The following PLEKHG7 variants were observed in gnomAD, a reference collection of about 807,000 sequenced individuals.
The protein encoded by PLEKHG7 is pleckstrin homology and RhoGEF domain containing G7.
In PLEKHG7, 77 loss-of-function variants were observed where a neutral mutation model predicts 85.2. The observed-to-expected ratio is 0.90, with a 90% CI of 0.75 to 1.09. PLEKHG7 has a LOEUF of 1.09. PLEKHG7 is among the 50% of genes least tolerant of loss of function. The probability of loss-of-function intolerance (pLI) is 0.00; values close to 1 mark genes in which losing one functional copy is unlikely to be tolerated. For missense variants in PLEKHG7, 777 were observed against 804.3 expected, an observed-to-expected ratio of 0.97 and a Z score of 0.41; for synonymous variants, 301 against 302.4, an observed-to-expected ratio of 1.00 and a Z score of 0.05.
Position 92,707,680 on chromosome 12 carries a change from T to C in PLEKHG7, c.530+8T>C. On this transcript the variant is annotated splice_region_variant and intron_variant, in intron 3 of 16. Coordinates refer to ENST00000344636, the MANE Select transcript of PLEKHG7 (RefSeq NM_001377329.1). ...AGAATTGCACCCATCCAGGTGTGTA[T>C]GCATTTATTTTCTCCGGTGCTATGA... 1 of 1,614,014 alleles carries C rather than the reference T, an allele frequency of 6.2e-7. No individual in the cohort carries two copies. The highest frequency in any genetic ancestry group is 2.2e-5 in the East Asian group (1 of 44,890).
chr12:92,748,214 G>A (rs1397175713), intron 10 of PLEKHG7, among the ~76,000 whole-genome samples: 3 of 151,196 alleles, frequency 2.0e-5, no homozygotes, highest in Non-Finnish European at 4.4e-5. Flanking sequence ...TTTTGGGAAA[G>A]GTAGTAGAGG....
intron 13 of PLEKHG7, among the ~76,000 whole-genome samples, chr12:92,757,813 G>T (rs1276502028): frequency 2.6e-5 from 4 of 152,210 alleles, no homozygotes; most frequent in Non-Finnish European, 4.4e-5. Flanking sequence ...CCAGGAAACT[G>T]CAGGCAACCA....
chr12:92,724,229 C>T (rs962222666), intron 3 of PLEKHG7, among the ~76,000 whole-genome samples: 1 of 152,154 alleles, frequency 6.6e-6, no homozygotes, highest in African/African-American at 2.4e-5. Flanking sequence ...ATGTGTCAAT[C>T]CCAGTGTCCT....
chr12:92,708,551 A>G (rs1871305933), intron 3 of PLEKHG7: 1 of 152,162 alleles, frequency 6.6e-6, no homozygotes, highest in Non-Finnish European at 1.5e-5. Flanking sequence ...AAAGTAACAG[A>G]CAGTTATTGT....
chr12:92,760,906 CACAG>C (rs1217406470), intron 13 of PLEKHG7, among the ~76,000 whole-genome samples: 7 of 152,152 alleles, frequency 4.6e-5, no homozygotes, highest in Admixed American at 1.3e-4. Flanking sequence ...AACAAAATAT[CACAG>C]ACAGGCTGAC....
intron 15 of PLEKHG7, among the ~76,000 whole-genome samples, chr12:92,765,011 G>A (rs1325822139): frequency 6.6e-6 from 1 of 152,048 alleles, no homozygotes; most frequent in Admixed American, 6.6e-5. Context: ...CCATTGGAGG[G>A]GCCGGAAAAG....
chr12:92,706,662 G>T lies in PLEKHG7; in HGVS notation c.31G>T (p.Val11Leu), dbSNP rs750959928. The T allele has an allele frequency of 6.2e-7, 1 of 1,613,850 alleles. No homozygotes were observed. Among genetic ancestry groups the T allele is most frequent in the Non-Finnish European group, 8.5e-7 (1 of 1,179,902 alleles). The change falls in exon 2 of 17, where the codon GTG (valine) becomes TTG (leucine). Residue 11 changes from valine (V) to leucine (L), a missense_variant. Transcript: ENST00000344636. MEKTESFCPE[V>L]PPQDCGASPR... Reference sequence around the variant, plus strand: ...GAAAACAGAGTCATTCTGTCCAGAGGTGCCACCCCAAGACTGTGGAGCCTC... The same window carrying T: ...GAAAACAGAGTCATTCTGTCCAGAGTTGCCACCCCAAGACTGTGGAGCCTC...
At position 92,764,158 on chromosome 12, in the gene PLEKHG7, T is replaced by C. The variant is rs1240706112; in HGVS notation, c.1834T>C (p.Leu612=). Residue 612 remains leucine (L), a synonymous_variant, in exon 15 of 17, where the codon TTG becomes CTG. Transcript: ENST00000344636. ...VLDQPIPLDR[L]VVKSIEPLHV... is the part of the protein sequence containing the mutation. Reference sequence around the variant, plus strand: ...CGATCAGCCTATTCCACTAGATAGATTGGTAGTCAAAAGTATTGAACCACT... The same window carrying C: ...CGATCAGCCTATTCCACTAGATAGACTGGTAGTCAAAAGTATTGAACCACT... 1.2e-6 allele frequency: 2 copies of C among 1,607,832 alleles called. No homozygotes were observed. The highest frequency in any genetic ancestry group is 2.7e-5 in the African/African-American group (2 of 74,670).
At chr12:92,704,827 C>T (rs150738985) in intron 1 of PLEKHG7, among the ~76,000 whole-genome samples, 1 of 152,322 alleles carries the variant, frequency 6.6e-6, no homozygotes, top group East Asian at 1.9e-4. Flanking sequence ...ATCCTCCCGC[C>T]TTTGCCTCCC....
At chr12:92,763,863 A>G (rs1873107389) in intron 14 of PLEKHG7, among the ~76,000 whole-genome samples, 178 bp from the exon 15 acceptor site, 1 of 152,144 alleles carries the variant, frequency 6.6e-6, no homozygotes, top group South Asian at 2.1e-4. Flanking sequence ...ACACTTTGCT[A>G]TAAATCACTA....
chr12:92,743,614 C>A (rs887644540), intron 9 of PLEKHG7, among the ~76,000 whole-genome samples: 1 of 152,096 alleles, frequency 6.6e-6, no homozygotes, highest in Non-Finnish European at 1.5e-5. Flanking sequence ...GTCTGGAGTG[C>A]GGTGGCACGA....
chr12:92,705,456 G>A (rs1565784473), intron 1 of PLEKHG7, among the ~76,000 whole-genome samples: 1 of 152,194 alleles, frequency 6.6e-6, no homozygotes, highest in Non-Finnish European at 1.5e-5. Flanking sequence ...CTTAAATTTT[G>A]GCTATCCAAA....
At chr12:92,740,996 T>C (rs899636346) in intron 8 of PLEKHG7, 48 bp downstream of exon 8, 2 of 1,312,526 alleles carry the variant, frequency 1.5e-6, no homozygotes, top group South Asian at 1.2e-5. Flanking sequence ...TAGAGGACCA[T>C]GAAAATTCAT....
At chr12:92,727,760 G>A (rs1488098709) in intron 3 of PLEKHG7, among the ~76,000 whole-genome samples, 2 of 151,674 alleles carry the variant, frequency 1.3e-5, no homozygotes, top group East Asian at 3.9e-4. Context: ...AGCTAATTTT[G>A]TATTTTTTTT....
intron 15 of PLEKHG7, among the ~76,000 whole-genome samples, 199 bp downstream of exon 15, chr12:92,764,393 C>T (rs1257106971): frequency 1.3e-5 from 2 of 151,918 alleles, no homozygotes; most frequent in Non-Finnish European, 2.9e-5. Flanking sequence ...ACTTGCTAGC[C>T]GTATGACCTT....
intron 4 of PLEKHG7, among the ~76,000 whole-genome samples, chr12:92,729,731 T>C (rs969803330): frequency 6.6e-6 from 1 of 152,176 alleles, no homozygotes; most frequent in African/African-American, 2.4e-5. Context: ...GGATTATCCA[T>C]GCTGGTGGTT....
intron 3 of PLEKHG7, among the ~76,000 whole-genome samples, chr12:92,721,882 G>A (rs929236405): frequency 6.6e-6 from 1 of 151,918 alleles, no homozygotes; most frequent in African/African-American, 2.4e-5. Flanking sequence ...TAGTCCTCCT[G>A]TGAGGAAATC....
intron 10 of PLEKHG7, among the ~76,000 whole-genome samples, chr12:92,750,975 T>C (rs954565737): frequency 2.0e-5 from 3 of 152,000 alleles, no homozygotes; most frequent in Admixed American, 1.3e-4. Context: ...AATAAAACAG[T>C]TGGAAAAATT....
At chr12:92,714,253 T>C (rs1157448077) in intron 3 of PLEKHG7, among the ~76,000 whole-genome samples, 1 of 152,260 alleles carries the variant, frequency 6.6e-6, no homozygotes, top group Admixed American at 6.5e-5. Context: ...CAGACAAAGG[T>C]GGAAAGGCTG....
Sources: gnomAD v4.1 joint callset for allele counts (sites outside exome capture counted in the v4.1 genomes callset) on GRCh38, gnomAD v4.1.1 for gene constraint, MANE v1.5 for transcripts, NCBI Gene and HGNC (gene_info 2026-07-23, HGNC 2026-07-21) for gene names.